The following MARCHF8 variants were observed in gnomAD, a reference collection of about 807,000 sequenced individuals.
MARCHF8 encodes the protein E3 ubiquitin-protein ligase MARCHF8.
MARCHF8 carries 40 observed loss-of-function variants against 51.6 expected under a neutral mutation model. The observed-to-expected ratio is 0.77, with a 90% CI of 0.60 to 1.01. MARCHF8 has a LOEUF of 1.01. Among genes scored for constraint, MARCHF8 ranks in the 50% least tolerant of loss-of-function variants. The pLI, the probability that MARCHF8 is intolerant of heterozygous loss-of-function variation, is 0.00. For missense variants in MARCHF8, 685 were observed against 708.6 expected (o/e 0.97, Z 0.38); for synonymous variants, 263 against 280.3 (o/e 0.94, Z 0.62).
chr10:45,534,986 T>A (rs766182981), intron 1 of MARCHF8, among the ~76,000 whole-genome samples: 3 of 152,086 alleles, frequency 2.0e-5, no homozygotes, highest in Non-Finnish European at 4.4e-5. Context: ...TTAGCTAAAA[T>A]AATAATCTGT....
chr10:45,489,557 G>C, intron 2 of MARCHF8, 140 bp from the exon 3 acceptor site: 1 of 662,662 alleles, frequency 1.5e-6, no homozygotes, highest in Non-Finnish European at 2.6e-6. Context: ...TATACTAGAT[G>C]TATGTAGCCA....
chr10:45,474,943 G>A (rs2042759429), intron 3 of MARCHF8, among the ~76,000 whole-genome samples: 1 of 152,182 alleles, frequency 6.6e-6, no homozygotes. Flanking sequence ...TGGCGAGAAG[G>A]CATTGCTCCA....
chr10:45,463,154 C>G lies in MARCHF8; in HGVS notation c.1085G>C (p.Cys362Ser). The G allele has an allele frequency of 1.3e-6, 2 of 1,547,824 alleles. No individual in the cohort carries two copies. Among genetic ancestry groups the G allele is most frequent in the Non-Finnish European group, 1.7e-6 (2 of 1,145,276 alleles). Reference sequence around the variant, plus strand: ...TGGCACTTCCTGGCAAACCAACCTGCAGACATCCCCTGACGTGGACACGGG... The same window carrying G: ...TGGCACTTCCTGGCAAACCAACCTGGAGACATCCCCTGACGTGGACACGGG... ...ISPVSTSGDV[C>S]RICHCEGDDE... Residue 362 changes from cysteine to serine, a missense_variant, in exon 5 of 8, where the codon TGC becomes TCC. Physicochemically the swap from Cys to Ser is moderately radical, Grantham distance 112 (BLOSUM62 -1). Transcript: ENST00000453424.
intron 2 of MARCHF8, among the ~76,000 whole-genome samples, chr10:45,515,887 T>C (rs1444357494): frequency 6.6e-6 from 1 of 152,240 alleles, no homozygotes; most frequent in Non-Finnish European, 1.5e-5. Flanking sequence ...CCAGTCTCTA[T>C]TGAAAGCCCT....
intron 1 of MARCHF8, among the ~76,000 whole-genome samples, chr10:45,592,336 G>C (rs1307719412): frequency 2.0e-5 from 3 of 152,000 alleles, no homozygotes; most frequent in Non-Finnish European, 4.4e-5. Flanking sequence ...ATATTCACAG[G>C]GAACAAAATT....
chr10:45,522,342 G>A (rs2043720791), intron 2 of MARCHF8, among the ~76,000 whole-genome samples: 1 of 152,116 alleles, frequency 6.6e-6, no homozygotes, highest in African/African-American at 2.4e-5. Context: ...CTCCCACAAA[G>A]TAACCATTTC....
At chr10:45,550,227 CTA>C in intron 1 of MARCHF8, among the ~76,000 whole-genome samples, 1 of 152,278 alleles carries the variant, frequency 6.6e-6, no homozygotes, top group Middle Eastern at 3.4e-3. Context: ...GTGCTCAACT[CTA>C]TTTCTACTAC....
chr10:45,459,762 C>T (rs1337743876), intron 6 of MARCHF8: 2 of 985,328 alleles, frequency 2.0e-6, no homozygotes, highest in Admixed American at 6.1e-5. Flanking sequence ...GCTACTTTGG[C>T]AGCAACAGCT....
At chr10:45,581,883 C>T (rs1227438783) in intron 1 of MARCHF8, among the ~76,000 whole-genome samples, 5 of 148,832 alleles carry the variant, frequency 3.4e-5, no homozygotes, top group African/African-American at 1.2e-4. Context: ...TCAAGAACTA[C>T]ACAAGACTTA....
chr10:45,554,175 A>T (rs2044226911), intron 1 of MARCHF8, among the ~76,000 whole-genome samples: 1 of 152,248 alleles, frequency 6.6e-6, no homozygotes, highest in South Asian at 2.1e-4. Flanking sequence ...TTTAATTCTT[A>T]AACTATTTTC....
chr10:45,549,110 G>A (rs1261290500), intron 1 of MARCHF8, among the ~76,000 whole-genome samples: 1 of 152,150 alleles, frequency 6.6e-6, no homozygotes, highest in Non-Finnish European at 1.5e-5. Context: ...AACGAAAGGG[G>A]GATGAAGGAG....
At chr10:45,570,389 C>T (rs2044415806) in intron 1 of MARCHF8, among the ~76,000 whole-genome samples, 1 of 152,010 alleles carries the variant, frequency 6.6e-6, no homozygotes, top group East Asian at 1.9e-4. Flanking sequence ...TACTATAATA[C>T]CAGATGCAAT....
intron 3 of MARCHF8, among the ~76,000 whole-genome samples, chr10:45,465,979 ATC>A (rs1419812068): frequency 6.6e-6 from 1 of 152,236 alleles, no homozygotes; most frequent in East Asian, 1.9e-4. Context: ...AATGAAAGAC[ATC>A]TAGGGATGCC....
At chr10:45,519,915 C>G (rs2043680192) in intron 2 of MARCHF8, among the ~76,000 whole-genome samples, 1 of 152,188 alleles carries the variant, frequency 6.6e-6, no homozygotes, top group South Asian at 2.1e-4. Context: ...GTTTCTAGCC[C>G]AGGTGACTCA....
At chr10:45,511,889 C>G (rs572908155) in intron 2 of MARCHF8, among the ~76,000 whole-genome samples, 7 of 150,956 alleles carry the variant, frequency 4.6e-5, no homozygotes, top group African/African-American at 1.7e-4. Flanking sequence ...ACGTGAGGAG[C>G]CCCTCTGCCT....
intron 4 of MARCHF8, 104 bp from the exon 5 acceptor site, chr10:45,464,100 G>A: frequency 6.6e-7 from 1 of 1,515,716 alleles, no homozygotes; most frequent in Non-Finnish European, 8.9e-7. Flanking sequence ...AACTTGGTGA[G>A]CAAACCACAC....
chr10:45,558,586 T>A (rs925036692), intron 1 of MARCHF8, among the ~76,000 whole-genome samples: 1 of 152,238 alleles, frequency 6.6e-6, no homozygotes, highest in Non-Finnish European at 1.5e-5. Flanking sequence ...GCCACAGCCA[T>A]GACAGTTGAC....
At chr10:45,553,549 T>A (rs543952552) in intron 1 of MARCHF8, among the ~76,000 whole-genome samples, 1 of 152,256 alleles carries the variant, frequency 6.6e-6, no homozygotes, top group African/African-American at 2.4e-5. Context: ...CAACAAAAAA[T>A]AAGTATGTAT....
chr10:45,580,835 T>C (rs749835277), intron 1 of MARCHF8, among the ~76,000 whole-genome samples: 30 of 152,284 alleles, frequency 2.0e-4, no homozygotes, highest in Non-Finnish European at 4.1e-4. Context: ...TCAAAGATCA[T>C]TTGCTTTAGC....
Sources: gnomAD v4.1 joint callset for allele counts (sites outside exome capture counted in the v4.1 genomes callset) on GRCh38, gnomAD v4.1.1 for gene constraint, MANE v1.5 for transcripts, NCBI Gene and HGNC (gene_info 2026-07-23, HGNC 2026-07-21) for gene names.